The following AKAP6 variants were observed in gnomAD, a reference collection of about 807,000 sequenced individuals.
AKAP6 encodes A-kinase anchor protein 6.
AKAP6 carries 58 observed loss-of-function variants against 188.5 expected under a neutral mutation model. That is an observed-to-expected ratio of 0.31 (90% CI 0.25 to 0.38). The LOEUF (loss-of-function observed/expected upper bound fraction) is 0.38. Among genes scored for constraint, AKAP6 ranks in the 10% least tolerant of loss-of-function variants. The pLI is 1.00. For synonymous variants in AKAP6, 989 were observed against 998.6 expected, an observed-to-expected ratio of 0.99 and a Z score of 0.18; for missense variants, 2,710 against 2,740.0, an observed-to-expected ratio of 0.99 and a Z score of 0.24.
intron 11 of AKAP6, among the ~76,000 whole-genome samples, chr14:32,771,683 T>TA (rs1350286316): frequency 5.9e-5 from 9 of 152,218 alleles, no homozygotes; most frequent in African/African-American, 2.2e-4. Flanking sequence ...TTTAGTGCCA[T>TA]CCATTGCAAA....
intron 7 of AKAP6, among the ~76,000 whole-genome samples, chr14:32,616,652 G>A (rs1886593276): frequency 6.6e-6 from 1 of 152,054 alleles, no homozygotes; most frequent in Non-Finnish European, 1.5e-5. Context: ...ATGGGTACAA[G>A]GTTTAGCATC....
intron 7 of AKAP6, among the ~76,000 whole-genome samples, chr14:32,670,720 T>A (rs886396412): frequency 6.6e-6 from 1 of 151,694 alleles, no homozygotes; most frequent in African/African-American, 2.4e-5. Flanking sequence ...AAAGAAGCTT[T>A]TTTTTCTTCT....
At chr14:32,621,780 A>G (rs1210134108) in intron 7 of AKAP6, among the ~76,000 whole-genome samples, 2 of 152,080 alleles carry the variant, frequency 1.3e-5, no homozygotes, top group African/African-American at 2.4e-5. Flanking sequence ...GAAGTCACCC[A>G]CTATTATTAT....
At chr14:32,381,722 A>G (rs573040200) in intron 1 of AKAP6, among the ~76,000 whole-genome samples, 3 of 152,206 alleles carry the variant, frequency 2.0e-5, no homozygotes, top group African/African-American at 7.2e-5. Flanking sequence ...AGTTACCCCT[A>G]TTCCTCCATA....
intron 2 of AKAP6, among the ~76,000 whole-genome samples, chr14:32,462,548 G>T (rs1891365823): frequency 6.6e-6 from 1 of 152,120 alleles, no homozygotes; most frequent in Non-Finnish European, 1.5e-5. Flanking sequence ...TCACCACAAG[G>T]CCTGCCTTAT....
At chr14:32,704,293 GA>G (rs1479527118) in intron 9 of AKAP6, among the ~76,000 whole-genome samples, 2 of 152,014 alleles carry the variant, frequency 1.3e-5, no homozygotes, top group African/African-American at 4.8e-5. Flanking sequence ...TTAATTTTTT[GA>G]AAAATGACTT....
rs74041704 is a variant in AKAP6, at chr14:32,805,557, G to A, written c.3589-15845G>A. 1.2e-3 allele frequency among the ~76,000 whole-genome samples: 179 copies of A among 152,248 alleles called. 1 individual carries two copies. The highest frequency in any genetic ancestry group is 4.0e-3 in the African/African-American group (165 of 41,548). On this transcript the variant is annotated intron_variant, in intron 12 of 13. Transcript: ENST00000280979. ...GTTATGACTTGAAAAAGGTTGAGAA[G>A]CATTGGTCTAGAAATAATGGATATT...
intron 11 of AKAP6, among the ~76,000 whole-genome samples, chr14:32,772,910 G>C (rs2032943134): frequency 6.6e-6 from 1 of 152,108 alleles, no homozygotes; most frequent in African/African-American, 2.4e-5. Flanking sequence ...GCAAAGAAAG[G>C]ATATAATATT....
chr14:32,760,868 G>C (rs1156954800), intron 11 of AKAP6, among the ~76,000 whole-genome samples: 3 of 152,104 alleles, frequency 2.0e-5, no homozygotes, highest in Non-Finnish European at 2.9e-5. Context: ...CTAATATTTA[G>C]TCAATATCTC....
intron 4 of AKAP6, among the ~76,000 whole-genome samples, chr14:32,548,569 GATA>G (rs1883309610): frequency 6.6e-6 from 1 of 151,888 alleles, no homozygotes; most frequent in African/African-American, 2.4e-5. Flanking sequence ...TAGATAGATA[GATA>G]GATAGATAGA....
intron 7 of AKAP6, among the ~76,000 whole-genome samples, chr14:32,672,277 T>G (rs1483578784): frequency 6.6e-6 from 1 of 152,218 alleles, no homozygotes; most frequent in Non-Finnish European, 1.5e-5. Flanking sequence ...TATTGATAAA[T>G]AGCAAAGCAA....
chr14:32,580,086 A>C (rs1474244987), intron 5 of AKAP6, among the ~76,000 whole-genome samples: 1 of 152,172 alleles, frequency 6.6e-6, no homozygotes, highest in Non-Finnish European at 1.5e-5. Flanking sequence ...TTGTATGTTC[A>C]TACTTTGATA....
chr14:32,725,008 A>AC (rs2030784667), intron 9 of AKAP6, among the ~76,000 whole-genome samples: 1 of 149,934 alleles, frequency 6.7e-6, no homozygotes, highest in African/African-American at 2.4e-5. Flanking sequence ...AAAAAAAAAA[A>AC]AAAAAAAAAC....
intron 2 of AKAP6, among the ~76,000 whole-genome samples, chr14:32,522,821 C>G (rs1166535218): frequency 2.0e-5 from 3 of 152,098 alleles, no homozygotes; most frequent in Non-Finnish European, 2.9e-5. Flanking sequence ...ACCATTTTAC[C>G]CAGCCATCCC....
chr14:32,488,439 C>T (rs1020496006), intron 2 of AKAP6, among the ~76,000 whole-genome samples: 4 of 152,196 alleles, frequency 2.6e-5, no homozygotes, highest in African/African-American at 7.2e-5. Flanking sequence ...GAGAGAATTT[C>T]AAGCCAGTGG....
chr14:32,775,384 CA>C (rs1226846732), intron 12 of AKAP6, among the ~76,000 whole-genome samples: 1 of 150,514 alleles, frequency 6.6e-6, no homozygotes, highest in Non-Finnish European at 1.5e-5. Context: ...ATCGTATGAT[CA>C]GGGGTTCTAG....
chr14:32,557,335 C>G (rs1883732681), intron 4 of AKAP6, among the ~76,000 whole-genome samples: 1 of 152,174 alleles, frequency 6.6e-6, no homozygotes, highest in African/African-American at 2.4e-5. Flanking sequence ...TTGGCTCAAG[C>G]CATCCTCCAT....
chr14:32,683,608 G>A (rs1347183162), intron 8 of AKAP6, among the ~76,000 whole-genome samples: 7 of 152,306 alleles, frequency 4.6e-5, no homozygotes, highest in Middle Eastern at 6.8e-3. Flanking sequence ...GAGGCAGTGG[G>A]ACACAAAAGG....
intron 7 of AKAP6, among the ~76,000 whole-genome samples, chr14:32,651,694 GC>G (rs1888235127): frequency 6.6e-6 from 1 of 152,096 alleles, no homozygotes; most frequent in Non-Finnish European, 1.5e-5. Context: ...AGAATGCTAA[GC>G]CCTCATGACT....
Sources: allele counts gnomAD v4.1 joint callset (sites outside exome capture counted in the v4.1 genomes callset), GRCh38; gene constraint gnomAD v4.1.1; transcripts MANE v1.5; gene names NCBI Gene and HGNC (gene_info 2026-07-23, HGNC 2026-07-21).